CHCHD6: variants seen among roughly 807,000 people sequenced by gnomAD.
CHCHD6 encodes the protein MICOS complex subunit MIC25.
In CHCHD6, 28 loss-of-function variants were observed where a neutral mutation model predicts 32.3. The ratio of observed to expected loss-of-function variants is 0.87; its 90% confidence interval spans 0.64 to 1.19. The LOEUF (loss-of-function observed/expected upper bound fraction) is 1.19. Among genes scored for constraint, CHCHD6 ranks in the 50% most tolerant of loss-of-function variants. The probability of loss-of-function intolerance (pLI) is 0.00; values close to 1 mark genes in which losing one functional copy is unlikely to be tolerated. For missense variants in CHCHD6, 333 were observed against 307.0 expected (o/e 1.08, Z -0.63); for synonymous variants, 122 against 117.5 (o/e 1.04, Z -0.25).
chr3:126,814,250 T>A (rs1171092371), intron 4 of CHCHD6, among the ~76,000 whole-genome samples: 1 of 152,218 alleles, frequency 6.6e-6, no homozygotes, highest in Non-Finnish European at 1.5e-5. Flanking sequence ...TCTGTTTGCC[T>A]CTGTAAAGGA....
intron 6 of CHCHD6, chr3:126,953,046 AT>A (rs1382938121): frequency 2.6e-5 from 26 of 985,334 alleles, no homozygotes; most frequent in Non-Finnish European, 2.7e-5. Flanking sequence ...GTTACTGAGC[AT>A]GTTCTGACCG....
At chr3:126,870,314 T>A (rs948676760) in intron 5 of CHCHD6, among the ~76,000 whole-genome samples, 4 of 152,196 alleles carry the variant, frequency 2.6e-5, no homozygotes, top group African/African-American at 9.7e-5. Context: ...TTAGGACCCG[T>A]TGCTTCTACT....
chr3:126,899,524 A>G (rs1559911144), intron 5 of CHCHD6, among the ~76,000 whole-genome samples: 2 of 152,260 alleles, frequency 1.3e-5, no homozygotes, highest in East Asian at 3.9e-4. Flanking sequence ...CCCAATGCCA[A>G]TTCTAATGTG....
chr3:126,913,796 G>C (rs952796269), intron 5 of CHCHD6, among the ~76,000 whole-genome samples: 1 of 152,222 alleles, frequency 6.6e-6, no homozygotes, highest in Non-Finnish European at 1.5e-5. Context: ...CAGAACATGC[G>C]AAGGTGCTGG....
chr3:126,833,783 C>T (rs554656652), intron 4 of CHCHD6, among the ~76,000 whole-genome samples: 30 of 152,218 alleles, frequency 2.0e-4, no homozygotes, highest in African/African-American at 6.3e-4. Flanking sequence ...TGGCCGGGCG[C>T]GGTGGCTCAC....
intron 1 of CHCHD6, among the ~76,000 whole-genome samples, chr3:126,708,072 G>A (rs1934581957): frequency 6.6e-6 from 1 of 152,256 alleles, no homozygotes; most frequent in African/African-American, 2.4e-5. Flanking sequence ...AAAGCTACTG[G>A]GGCTGCCTGC....
chr3:126,768,521 C>G (rs1937469695), intron 4 of CHCHD6, among the ~76,000 whole-genome samples: 1 of 152,176 alleles, frequency 6.6e-6, no homozygotes, highest in African/African-American at 2.4e-5. Flanking sequence ...CAAGAACGGA[C>G]TAATACAATA....
chr3:126,795,960 T>G (rs1321270766), intron 4 of CHCHD6, among the ~76,000 whole-genome samples: 1 of 152,166 alleles, frequency 6.6e-6, no homozygotes, highest in Non-Finnish European at 1.5e-5. Context: ...TAGCTCATAG[T>G]CAGTTTCAGT....
intron 4 of CHCHD6, among the ~76,000 whole-genome samples, chr3:126,750,665 A>G (rs1399163174): frequency 6.6e-6 from 1 of 152,228 alleles, no homozygotes; most frequent in African/African-American, 2.4e-5. Flanking sequence ...ATGTGAGGCA[A>G]GTTCCCAGAG....
At chr3:126,855,355 C>T (rs574681230) in intron 5 of CHCHD6, among the ~76,000 whole-genome samples, 2 of 152,262 alleles carry the variant, frequency 1.3e-5, no homozygotes, top group South Asian at 4.1e-4. Context: ...AATGGAGATG[C>T]TAATGCTTTC....
At chr3:126,844,610 T>G (rs1295752494) in intron 4 of CHCHD6, among the ~76,000 whole-genome samples, 4 of 152,208 alleles carry the variant, frequency 2.6e-5, no homozygotes, top group Admixed American at 1.3e-4. Context: ...TAAAAGCTAT[T>G]TCTTATTAAT....
intron 6 of CHCHD6, among the ~76,000 whole-genome samples, chr3:126,929,309 C>T (rs2078369049): frequency 6.6e-6 from 1 of 152,172 alleles, no homozygotes; most frequent in Non-Finnish European, 1.5e-5. Flanking sequence ...TGTCTGGTGG[C>T]TGATCTCTGT....
intron 4 of CHCHD6, among the ~76,000 whole-genome samples, chr3:126,794,401 A>T (rs1000840606): frequency 9.5e-4 from 140 of 147,932 alleles, no homozygotes; most frequent in African/African-American, 3.3e-3. Flanking sequence ...TATCATTTTT[A>T]AAAGTATAGT....
intron 4 of CHCHD6, among the ~76,000 whole-genome samples, chr3:126,828,090 T>C (rs1005171199): frequency 4.6e-5 from 7 of 152,126 alleles, no homozygotes; most frequent in African/African-American, 1.7e-4. Flanking sequence ...CTTCGGTGCA[T>C]CCTCCTCTCC....
At chr3:126,959,813 C>G (rs945754814) in intron 7 of CHCHD6, among the ~76,000 whole-genome samples, 2 of 152,192 alleles carry the variant, frequency 1.3e-5, no homozygotes, top group Non-Finnish European at 2.9e-5. Context: ...AATCAGAGAA[C>G]AGAGGGGAGG....
chr3:126,751,679 C>T (rs1446675839), intron 4 of CHCHD6, among the ~76,000 whole-genome samples: 1 of 152,118 alleles, frequency 6.6e-6, no homozygotes, highest in Non-Finnish European at 1.5e-5. Context: ...TGTCTAGCAG[C>T]TAGGATTGGA....
intron 1 of CHCHD6, among the ~76,000 whole-genome samples, chr3:126,713,575 C>G (rs764207025): frequency 1.3e-5 from 2 of 152,140 alleles, no homozygotes; most frequent in Admixed American, 1.3e-4. Flanking sequence ...TCAGAAGGAG[C>G]CTTTGGTGGT....
chr3:126,806,249 T>C (rs1414892343), intron 4 of CHCHD6, among the ~76,000 whole-genome samples: 1 of 152,012 alleles, frequency 6.6e-6, no homozygotes, highest in Non-Finnish European at 1.5e-5. Context: ...GAAACTACCA[T>C]CAGAGTGAAC....
chr3:126,888,487 C>T (rs1250710716), intron 5 of CHCHD6, among the ~76,000 whole-genome samples: 3 of 152,178 alleles, frequency 2.0e-5, no homozygotes, highest in Non-Finnish European at 4.4e-5. Flanking sequence ...CCAAGCCACT[C>T]ACTGCACTCC....
Sources: allele counts gnomAD v4.1 joint callset (sites outside exome capture counted in the v4.1 genomes callset), GRCh38; gene constraint gnomAD v4.1.1; transcripts MANE v1.5; gene names NCBI Gene and HGNC (gene_info 2026-07-23, HGNC 2026-07-21).